SLC14A2: variants seen among roughly 807,000 people sequenced by gnomAD.
The protein encoded by SLC14A2 is urea transporter 2.
In SLC14A2, 91 loss-of-function variants were observed where a neutral mutation model predicts 104.6. The observed-to-expected ratio is 0.87, with a 90% CI of 0.73 to 1.04. The LOEUF is 1.04. Ranked by LOEUF, SLC14A2 falls within the 50% of genes least tolerant of loss-of-function variation. The pLI, the probability that SLC14A2 is intolerant of heterozygous loss-of-function variation, is 0.00. For missense variants in SLC14A2, 1,189 were observed against 1,156.0 expected, an observed-to-expected ratio of 1.03 and a Z score of -0.41; for synonymous variants, 476 against 466.4, an observed-to-expected ratio of 1.02 and a Z score of -0.27.
intron 2 of SLC14A2, among the ~76,000 whole-genome samples, chr18:45,559,431 T>C (rs2044174677): frequency 6.6e-6 from 1 of 152,156 alleles, no homozygotes; most frequent in South Asian, 2.1e-4. Context: ...TGGGTTAGTG[T>C]GTTCTGCTCA....
chr18:45,682,075 C>A (rs758666518), intron 19 of SLC14A2, among the ~76,000 whole-genome samples: 1 of 152,228 alleles, frequency 6.6e-6, no homozygotes, highest in Non-Finnish European at 1.5e-5. Context: ...ATGACTTCTA[C>A]ATAAGGGCAT....
chr18:45,220,702 T>C (rs1416204329), intron 1 of SLC14A2, among the ~76,000 whole-genome samples: 1 of 152,192 alleles, frequency 6.6e-6, no homozygotes, highest in Non-Finnish European at 1.5e-5. Context: ...CATGAACTAA[T>C]TTGAACCAAA....
At chr18:45,367,148 G>A (rs2085674259) in intron 1 of SLC14A2, among the ~76,000 whole-genome samples, 1 of 152,182 alleles carries the variant, frequency 6.6e-6, no homozygotes, top group African/African-American at 2.4e-5. Context: ...TCAGTTTGGA[G>A]TAAGAGAAAT....
At chr18:45,579,603 T>G (rs747630049) in intron 2 of SLC14A2, among the ~76,000 whole-genome samples, 1 of 152,248 alleles carries the variant, frequency 6.6e-6, no homozygotes, top group Non-Finnish European at 1.5e-5. Flanking sequence ...TGTCATGCCT[T>G]TCTAAGCTTT....
At chr18:45,498,344 A>T (rs975754844) in intron 2 of SLC14A2, among the ~76,000 whole-genome samples, 1 of 152,198 alleles carries the variant, frequency 6.6e-6, no homozygotes, top group African/African-American at 2.4e-5. Context: ...AAGGAGAAGC[A>T]CCTGACAGGG....
the SLC14A2 span, among the ~76,000 whole-genome samples, chr18:45,194,873 C>T: frequency 1.3e-5 from 2 of 151,764 alleles, no homozygotes; most frequent in Non-Finnish European, 2.9e-5. Flanking sequence ...CTCAATCTCC[C>T]GACCTCGTGA....
At chr18:45,329,954 T>C (rs2085272771) in intron 1 of SLC14A2, among the ~76,000 whole-genome samples, 2 of 152,228 alleles carry the variant, frequency 1.3e-5, no homozygotes, top group African/African-American at 4.8e-5. Flanking sequence ...GCACCATTTA[T>C]TGAGGTTATG....
At chr18:45,366,171 T>C (rs2085663710) in intron 1 of SLC14A2, among the ~76,000 whole-genome samples, 1 of 152,124 alleles carries the variant, frequency 6.6e-6, no homozygotes, top group Admixed American at 6.5e-5. Context: ...GGTCAGGTGC[T>C]TGACCCAAGC....
intron 1 of SLC14A2, among the ~76,000 whole-genome samples, chr18:45,304,014 T>C: frequency 6.6e-6 from 1 of 152,178 alleles, no homozygotes; most frequent in Middle Eastern, 3.2e-3. Context: ...ATGGAAGAGA[T>C]GACTCAGAGC....
At position 45,269,008 on chromosome 18, in the gene SLC14A2, G is replaced by T. The variant is rs1353714850; in HGVS notation, c.-125+55817G>T. Among the ~76,000 whole-genome samples the T allele has an allele frequency of 2.2e-5, 3 of 134,678 alleles. No homozygotes were observed. The East Asian group carries it at 6.8e-4, about 30-fold the overall frequency. 88.4% of individuals were successfully genotyped at this position (134,678 alleles called of 152,430 possible). On this transcript the variant is annotated intron_variant, in intron 1 of 20. Coordinates refer to the SLC14A2 transcript ENST00000586448. Reference sequence around the variant, plus strand: ...TGTGTACAAAACGGGATGGGAGGAGGCATGGGTCACTAACAATGATCATTG... The same window carrying T: ...TGTGTACAAAACGGGATGGGAGGAGTCATGGGTCACTAACAATGATCATTG...
At chr18:45,227,071 C>A (rs1383313978) in intron 1 of SLC14A2, among the ~76,000 whole-genome samples, 1 of 152,040 alleles carries the variant, frequency 6.6e-6, no homozygotes, top group South Asian at 2.1e-4. Context: ...AAAGTTGGTG[C>A]CAGCACTATT....
In SLC14A2 at chr18:45,282,740, G is replaced by T. The variant is rs1473005581; in HGVS notation, c.-125+69549G>T. Among the ~76,000 whole-genome samples, 5 of 152,138 alleles carry T rather than the reference G, an allele frequency of 3.3e-5. No homozygotes were observed. In the East Asian group the frequency reaches 9.7e-4, roughly 29 times the overall value. ...CATATCTTTGGTTATTGTGCTCTGT[G>T]TGGGGTCAACTTATACTAGTTGTAT... On this transcript the variant is annotated intron_variant, in intron 1 of 20. Coordinates refer to the SLC14A2 transcript ENST00000586448.
chr18:45,413,868 G>T (rs1242767147), intron 1 of SLC14A2, among the ~76,000 whole-genome samples: 1 of 152,022 alleles, frequency 6.6e-6, no homozygotes, highest in African/African-American at 2.4e-5. Context: ...GTGCCTGCTT[G>T]TTAGGTGTTT....
At chr18:45,216,372 C>T (rs1187984672) in intron 1 of SLC14A2, among the ~76,000 whole-genome samples, 2 of 152,138 alleles carry the variant, frequency 1.3e-5, no homozygotes, top group African/African-American at 4.8e-5. Context: ...TGTGGCCTGT[C>T]CTCCCTGCTG....
intron 1 of SLC14A2, among the ~76,000 whole-genome samples, chr18:45,274,449 TC>T (rs1222296949): frequency 6.6e-6 from 1 of 152,178 alleles, no homozygotes; most frequent in Non-Finnish European, 1.5e-5. Flanking sequence ...CAGCTATAGA[TC>T]TTTTTTTAAT....
At chr18:45,650,746 GTT>G (rs61223496) in intron 10 of SLC14A2, among the ~76,000 whole-genome samples, 2 of 151,900 alleles carry the variant, frequency 1.3e-5, no homozygotes, top group Admixed American at 6.5e-5. Context: ...GTCTTGTTTT[GTT>G]TTGTTTTTGA....
At chr18:45,478,520 G>T (rs941839895) in intron 1 of SLC14A2, among the ~76,000 whole-genome samples, 5 of 152,180 alleles carry the variant, frequency 3.3e-5, no homozygotes, top group African/African-American at 9.6e-5. Context: ...TTCTTTGTCT[G>T]TTTCCTTTTA....
At position 45,562,298 on chromosome 18, in the gene SLC14A2, T is replaced by C. The variant is rs567285724; in HGVS notation, c.-34-62333T>C. Reference sequence around the variant, plus strand: ...CAGTCTATACGTAATTAAAAGATAATGTCAGTTGACCTGATAGAGAAGAGC... The same window carrying C: ...CAGTCTATACGTAATTAAAAGATAACGTCAGTTGACCTGATAGAGAAGAGC... On this transcript the variant is annotated intron_variant, in intron 2 of 20. Transcript: ENST00000586448. Among the ~76,000 whole-genome samples the C allele has an allele frequency of 3.4e-3, 516 of 152,352 alleles. 4 individuals are homozygous for C. Among genetic ancestry groups the C allele is most frequent in the African/African-American group, 0.012 (495 of 41,582 alleles).
At chr18:45,460,021 C>T (rs2087015463) in intron 1 of SLC14A2, among the ~76,000 whole-genome samples, 2 of 152,206 alleles carry the variant, frequency 1.3e-5, no homozygotes, top group Admixed American at 6.5e-5. Flanking sequence ...TTGGTCAGCA[C>T]CCAATATCCC....
Sources: gnomAD v4.1 joint callset for allele counts (sites outside exome capture counted in the v4.1 genomes callset) on GRCh38, gnomAD v4.1.1 for gene constraint, MANE v1.5 for transcripts, NCBI Gene and HGNC (gene_info 2026-07-23, HGNC 2026-07-21) for gene names.